GSE1: variants seen among roughly 807,000 people sequenced by gnomAD.
GSE1 encodes the protein genetic suppressor element 1.
In GSE1, 32 loss-of-function variants were observed where a neutral mutation model predicts 112.6. The ratio of observed to expected loss-of-function variants is 0.28; its 90% CI spans 0.21 to 0.38. The LOEUF is 0.38. Ranked by LOEUF, GSE1 falls within the 10% of genes least tolerant of loss-of-function variation. The pLI, the probability that GSE1 is intolerant of heterozygous loss-of-function variation, is 1.00. For missense variants in GSE1, 2,348 were observed against 1,699.2 expected (o/e 1.38, Z -6.71); for synonymous variants, 1,115 against 735.6 (o/e 1.52, Z -8.35).
intron 1 of GSE1, chr16:85,594,866 G>C (rs1486341524): frequency 1.3e-5 from 2 of 152,480 alleles, no homozygotes; most frequent in Admixed American, 6.5e-5. Context: ...CTCACCTTGG[G>C]CATCATTGGA....
intron 2 of GSE1, among the ~76,000 whole-genome samples, chr16:85,430,211 A>C (rs567251556): frequency 1.3e-5 from 2 of 152,210 alleles, no homozygotes; most frequent in Admixed American, 1.3e-4. Flanking sequence ...TGGGTCATGA[A>C]GCCCATTTGA....
intron 2 of GSE1, among the ~76,000 whole-genome samples, chr16:85,391,064 G>A (rs915450038): frequency 6.6e-6 from 1 of 151,498 alleles, no homozygotes; most frequent in African/African-American, 2.4e-5. Flanking sequence ...TAGCTGGTTT[G>A]ATGCTGTCAG....
intron 1 of GSE1, among the ~76,000 whole-genome samples, chr16:85,581,156 T>G (rs1274425668): frequency 6.6e-6 from 1 of 152,204 alleles, no homozygotes; most frequent in African/African-American, 2.4e-5. Context: ...GCATCCCACA[T>G]GGGCTCCTCT....
intron 2 of GSE1, among the ~76,000 whole-genome samples, chr16:85,411,778 CTGG>C (rs2048560706): frequency 6.9e-5 from 1 of 14,496 alleles, no homozygotes. Context: ...CAGGGCCCCC[CTGG>C]ATAATCCTCA....
chr16:85,354,655 C>T (rs1045989270), intron 1 of GSE1, among the ~76,000 whole-genome samples: 1 of 152,244 alleles, frequency 6.6e-6, no homozygotes, highest in African/African-American at 2.4e-5. Flanking sequence ...CACAGCCCTC[C>T]CCTGCACCCC....
intron 3 of GSE1, among the ~76,000 whole-genome samples, chr16:85,651,300 C>G (rs1029668849): frequency 2.0e-5 from 3 of 151,932 alleles, no homozygotes; most frequent in Non-Finnish European, 4.4e-5. Context: ...GCCCCGCTGA[C>G]CTAGTTCCCA....
At chr16:85,495,989 C>T (rs2051162894) in intron 2 of GSE1, among the ~76,000 whole-genome samples, 1 of 152,218 alleles carries the variant, frequency 6.6e-6, no homozygotes. Flanking sequence ...TTGTCAAAAG[C>T]CGCGGGGGGA....
chr16:85,604,294 CG>C (rs1567637595), intron 1 of GSE1, among the ~76,000 whole-genome samples: 1 of 152,204 alleles, frequency 6.6e-6, no homozygotes, highest in Non-Finnish European at 1.5e-5. Flanking sequence ...CATCCAGCAT[CG>C]TGTCTTCAAG....
At chr16:85,492,359 C>T (rs2051038291) in intron 2 of GSE1, among the ~76,000 whole-genome samples, 1 of 152,120 alleles carries the variant, frequency 6.6e-6, no homozygotes, top group Admixed American at 6.5e-5. Context: ...TGTTTGAGTC[C>T]CCCTCTCAAA....
chr16:85,326,089 G>C (rs2046222413), intron 1 of GSE1, among the ~76,000 whole-genome samples: 1 of 152,132 alleles, frequency 6.6e-6, no homozygotes. Context: ...ATTTGACAGG[G>C]GTAGAAAGTT....
At chr16:85,289,306 A>G (rs959124368) in intron 1 of GSE1, among the ~76,000 whole-genome samples, 7 of 152,002 alleles carry the variant, frequency 4.6e-5, no homozygotes, top group Non-Finnish European at 7.4e-5. Flanking sequence ...CAGGCCCGAG[A>G]GGCTGGCTTT....
chr16:85,310,919 G>A (rs1226069840), intron 1 of GSE1, among the ~76,000 whole-genome samples: 1 of 152,156 alleles, frequency 6.6e-6, no homozygotes, highest in Non-Finnish European at 1.5e-5. Flanking sequence ...ATGGAGGGGG[G>A]CACCCACAGG....
rs571936010 is a variant in GSE1, at chr16:85,532,529, C to T, written c.2465-101385C>T. ...CTCCTGCCTTGGCCTCCCAGAGTGC[C>T]GAGATCATAGGTGTGAACCACCACG... is the stretch of plus-strand genomic sequence containing the variant. On this transcript the variant is annotated intron_variant, in intron 2 of 2. Transcript: ENST00000637419. Among the ~76,000 whole-genome samples the T allele has an allele frequency of 4.6e-5, 7 of 152,300 alleles. No individual in the cohort carries two copies. In the South Asian group the frequency reaches 1.0e-3, roughly 23 times the overall value.
chr16:85,218,416 G>A (rs945001976), intron 1 of GSE1, among the ~76,000 whole-genome samples: 1 of 152,212 alleles, frequency 6.6e-6, no homozygotes, highest in Non-Finnish European at 1.5e-5. Context: ...TTCTTTGAAA[G>A]AGAATTAAAC....
chr16:85,634,463 C>T (rs1049833261), intron 2 of GSE1, among the ~76,000 whole-genome samples: 3 of 152,182 alleles, frequency 2.0e-5, no homozygotes, highest in African/African-American at 7.2e-5. Flanking sequence ...CCAGGGGAGC[C>T]CCAAGAGGCT....
At chr16:85,537,478 G>A (rs992998904) in intron 2 of GSE1, among the ~76,000 whole-genome samples, 6 of 152,188 alleles carry the variant, frequency 3.9e-5, no homozygotes, top group Non-Finnish European at 5.9e-5. Context: ...TGGGGTCAAC[G>A]GGGCTGCCCA....
intron 1 of GSE1, among the ~76,000 whole-genome samples, chr16:85,206,006 C>T (rs1268622416): frequency 6.6e-6 from 1 of 152,178 alleles, no homozygotes; most frequent in African/African-American, 2.4e-5. Flanking sequence ...CCAAATCACA[C>T]AAACAAATGT....
chr16:85,432,409 T>C (rs560502629), intron 2 of GSE1, among the ~76,000 whole-genome samples: 2 of 152,308 alleles, frequency 1.3e-5, no homozygotes, highest in East Asian at 3.9e-4. Context: ...AGAGACTGGG[T>C]GGGAAGAGGG....
At chr16:85,391,538 C>T (rs948650428) in intron 2 of GSE1, among the ~76,000 whole-genome samples, 10 of 152,220 alleles carry the variant, frequency 6.6e-5, no homozygotes, top group Non-Finnish European at 1.2e-4. Flanking sequence ...CCTTGGCTTG[C>T]GGCAGCATCA....
Sources: allele counts gnomAD v4.1 joint callset (sites outside exome capture counted in the v4.1 genomes callset), GRCh38; gene constraint gnomAD v4.1.1; transcripts MANE v1.5; gene names NCBI Gene and HGNC (gene_info 2026-07-23, HGNC 2026-07-21).